SLC25A48: variants seen among roughly 807,000 people sequenced by gnomAD.
SLC25A48 encodes the protein CTC-321K16.1.
SLC25A48 carries 29 observed loss-of-function variants against 32.2 expected under a neutral mutation model. The observed-to-expected ratio is 0.90, with a 90% confidence interval of 0.67 to 1.23. The LOEUF (loss-of-function observed/expected upper bound fraction) is 1.23, where lower values mean the gene tolerates loss of function less well. Among genes scored for constraint, SLC25A48 ranks in the 50% most tolerant of loss-of-function variants. The pLI is 0.00. For missense variants in SLC25A48, 399 were observed against 422.7 expected (o/e 0.94, Z 0.49); for synonymous variants, 164 against 172.3 (o/e 0.95, Z 0.38).
chr5:135,875,589 T>C (rs1351188853), intron 6 of SLC25A48: 1 of 152,236 alleles, frequency 6.6e-6, no homozygotes, highest in Non-Finnish European at 1.5e-5. Context: ...TGAAGGCTTC[T>C]AGGGAAAAAT....
chr5:135,786,492 T>G (rs1756852053), intron 3 of SLC25A48, among the ~76,000 whole-genome samples: 1 of 152,126 alleles, frequency 6.6e-6, no homozygotes, highest in South Asian at 2.1e-4. Context: ...ATCTGTAATA[T>G]TCTAGGGGTT....
At chr5:135,636,269 G>C (rs1329496205) in intron 3 of SLC25A48, among the ~76,000 whole-genome samples, 1 of 152,136 alleles carries the variant, frequency 6.6e-6, no homozygotes, top group Non-Finnish European at 1.5e-5. Context: ...CAGTGAGTGA[G>C]GCATGGTCTC....
chr5:135,765,891 C>CA (rs1756205127), intron 3 of SLC25A48, among the ~76,000 whole-genome samples: 2 of 151,492 alleles, frequency 1.3e-5, no homozygotes, highest in African/African-American at 4.9e-5. Context: ...GGCATACACC[C>CA]TCCTGTGTTA....
chr5:135,833,711 G>A (rs577602647), upstream of SLC25A48, among the ~76,000 whole-genome samples: 443 of 152,292 alleles, frequency 2.9e-3, 2 homozygotes, highest in Admixed American at 5.0e-3. Flanking sequence ...TCTGTGTGCC[G>A]GGGCAGGGGA....
At chr5:135,711,940 T>C (rs749031824) in intron 3 of SLC25A48, among the ~76,000 whole-genome samples, 4 of 144,548 alleles carry the variant, frequency 2.8e-5, no homozygotes, top group Non-Finnish European at 6.0e-5. Flanking sequence ...AGTGTCCCCC[T>C]CCCACCCAGG....
intron 3 of SLC25A48, among the ~76,000 whole-genome samples, chr5:135,765,085 TTAC>T (rs1301806878): frequency 6.6e-6 from 1 of 151,464 alleles, no homozygotes; most frequent in Non-Finnish European, 1.5e-5. Context: ...AAGGGTGATA[TTAC>T]TCCCTATATC....
chr5:135,825,905 T>C, intron 4 of SLC25A48: 1 of 152,348 alleles, frequency 6.6e-6, no homozygotes. Flanking sequence ...CCAGGGCTGG[T>C]GCAGTCACAC....
chr5:135,675,382 G>A (rs1170111777), intron 3 of SLC25A48, among the ~76,000 whole-genome samples: 1 of 151,830 alleles, frequency 6.6e-6, no homozygotes, highest in East Asian at 1.9e-4. Context: ...TGTTGCCTAT[G>A]CTTTTGAGGT....
At chr5:135,731,248 A>G (rs3087655) in intron 3 of SLC25A48, among the ~76,000 whole-genome samples, 62,397 of 151,924 alleles carry the variant, frequency 0.41, 14,739 homozygotes, top group Non-Finnish European at 0.53. Flanking sequence ...GAATTTCACA[A>G]GGCAGTGTCA....
chr5:135,717,375 G>T lies in SLC25A48; in HGVS notation c.-521+82419G>T, dbSNP rs572629931. 2.6e-5 allele frequency among the ~76,000 whole-genome samples: 4 copies of T among 152,316 alleles called. No individual in the cohort carries two copies. The South Asian group carries it at 8.3e-4, about 32-fold the overall frequency. On this transcript the variant is annotated intron_variant, in intron 3 of 10. Transcript: ENST00000646290. Reference sequence around the variant, plus strand: ...TGAAGGTATCACTCCAGGCTGTCTTGTACCAGGGCCCGTCCACCCCAGAGC... The same window carrying T: ...TGAAGGTATCACTCCAGGCTGTCTTTTACCAGGGCCCGTCCACCCCAGAGC...
intron 5 of SLC25A48, 101 bp from the exon 6 acceptor site, chr5:135,873,920 C>G: frequency 7.7e-7 from 1 of 1,305,292 alleles, no homozygotes; most frequent in Non-Finnish European, 1.0e-6. Context: ...TGTCCCTTCT[C>G]CCAGCTTAAT....
intron 4 of SLC25A48, among the ~76,000 whole-genome samples, chr5:135,820,264 C>T (rs1757850511): frequency 6.6e-6 from 1 of 152,172 alleles, no homozygotes; most frequent in Non-Finnish European, 1.5e-5. Context: ...AAGGATGAAT[C>T]TTAAAAACAT....
chr5:135,618,554 G>A (rs956096974), intron 1 of SLC25A48, among the ~76,000 whole-genome samples: 2 of 151,908 alleles, frequency 1.3e-5, no homozygotes, highest in Non-Finnish European at 2.9e-5. Flanking sequence ...TTACATTTAA[G>A]TTTTTTCTTT....
At chr5:135,613,875 G>A (rs1752128741) in intron 1 of SLC25A48, among the ~76,000 whole-genome samples, 1 of 152,206 alleles carries the variant, frequency 6.6e-6, no homozygotes, top group Non-Finnish European at 1.5e-5. Flanking sequence ...TAGGTGGTGT[G>A]ATGCCTCCAG....
chr5:135,699,920 C>T (rs894198648), intron 3 of SLC25A48, among the ~76,000 whole-genome samples: 30 of 152,244 alleles, frequency 2.0e-4, no homozygotes, highest in African/African-American at 4.6e-4. Context: ...TGTTTTTACC[C>T]AATGAGGAGA....
intron 3 of SLC25A48, among the ~76,000 whole-genome samples, chr5:135,645,589 C>G (rs967495386): frequency 1.3e-5 from 2 of 152,170 alleles, no homozygotes; most frequent in African/African-American, 4.8e-5. Context: ...TGATCATAAC[C>G]CTTCTTAGAA....
In SLC25A48 at chr5:135,773,325, T is replaced by C. The variant is rs542225744; in HGVS notation, c.-520-39198T>C. 2.4e-4 allele frequency among the ~76,000 whole-genome samples: 36 copies of C among 151,668 alleles called. No individual in the cohort carries two copies. The East Asian group carries it at 6.6e-3, about 28-fold the overall frequency. ...CCTGTGGATATTAAGAAAAATATCA[T>C]AGAAGGGGTGTACACACCTTGGATA... On this transcript the variant is annotated intron_variant, in intron 3 of 10. Transcript: ENST00000646290.
intron 3 of SLC25A48, among the ~76,000 whole-genome samples, chr5:135,687,602 T>C (rs1473147199): frequency 2.0e-5 from 3 of 152,230 alleles, no homozygotes; most frequent in African/African-American, 7.2e-5. Context: ...ATATCTTCCC[T>C]TTCCTCCTTA....
chr5:135,675,686 C>A (rs1419421221), intron 3 of SLC25A48, among the ~76,000 whole-genome samples: 1 of 151,906 alleles, frequency 6.6e-6, no homozygotes, highest in Admixed American at 6.6e-5. Flanking sequence ...GCTATTTAAG[C>A]TTTTATCGGT....
Sources: allele counts gnomAD v4.1 joint callset (sites outside exome capture counted in the v4.1 genomes callset), GRCh38; gene constraint gnomAD v4.1.1; transcripts MANE v1.5; gene names NCBI Gene and HGNC (gene_info 2026-07-23, HGNC 2026-07-21).